The following CYYR1 variants were observed in gnomAD, a reference collection of about 807,000 sequenced individuals.
CYYR1 encodes the protein cysteine and tyrosine rich 1.
CYYR1 carries 14 observed loss-of-function variants against 15.2 expected under a neutral mutation model. The ratio of observed to expected loss-of-function variants is 0.92; its 90% CI spans 0.61 to 1.44. CYYR1 has a LOEUF of 1.44. CYYR1 is among the 40% of genes most tolerant of loss of function. The probability of loss-of-function intolerance (pLI) is 0.00; values close to 1 mark genes in which losing one functional copy is unlikely to be tolerated. For synonymous variants in CYYR1, 80 were observed against 77.4 expected (o/e 1.03, Z -0.18); for missense variants, 228 against 209.5 (o/e 1.09, Z -0.54).
chr21:26,561,945 A>G (rs1332644551), intron 2 of CYYR1, among the ~76,000 whole-genome samples: 2 of 151,988 alleles, frequency 1.3e-5, no homozygotes, highest in East Asian at 1.9e-4. Context: ...AATTCTACCA[A>G]CTCCGAAGAG....
At chr21:26,547,981 C>T (rs112975928) in intron 2 of CYYR1, among the ~76,000 whole-genome samples, 16,193 of 152,038 alleles carry the variant, frequency 0.11, 898 homozygotes, top group Admixed American at 0.14. Flanking sequence ...TTCATTTAAA[C>T]CTTGTAGCAA....
chr21:26,566,210 T>C, intron 2 of CYYR1, 56 bp downstream of exon 2: 3 of 1,288,788 alleles, frequency 2.3e-6, no homozygotes, highest in Non-Finnish European at 3.4e-6. Context: ...AAGACATAAC[T>C]GGACAACTGG....
chr21:26,535,715 C>T (rs1021526381), intron 2 of CYYR1, among the ~76,000 whole-genome samples: 2 of 152,162 alleles, frequency 1.3e-5, no homozygotes, highest in African/African-American at 4.8e-5. Context: ...TGTGCTGCCA[C>T]AGTGAGTCGG....
At chr21:26,561,786 T>A (rs1416839185) in intron 2 of CYYR1, among the ~76,000 whole-genome samples, 1 of 152,218 alleles carries the variant, frequency 6.6e-6, no homozygotes, top group African/African-American at 2.4e-5. Flanking sequence ...TCCAAACTAG[T>A]CAATATTTTG....
chr21:26,572,126 A>C lies in CYYR1; in HGVS notation c.73+742T>G, dbSNP rs1302913444. The stretch of plus-strand genomic sequence containing the variant: ...AGAGACACAAAAACATTTTACAAAG[A>C]ACTTTGCTTTTAGCTTGCATTGTTT... On this transcript the variant is annotated intron_variant, in intron 1 of 3. Coordinates refer to ENST00000652641, the MANE Select transcript of CYYR1 (RefSeq NM_001320768.2). Among the ~76,000 whole-genome samples the C allele has an allele frequency of 3.3e-5, 5 of 152,228 alleles. No homozygotes were observed. The East Asian group carries it at 9.6e-4, about 29-fold the overall frequency.
rs773155055 is a variant in CYYR1 at position 26,566,259 on chromosome 21, T to C, written c.176+7A>G. On this transcript the variant is annotated splice_region_variant and intron_variant, in intron 2 of 3. Coordinates refer to ENST00000652641, the MANE Select transcript of CYYR1 (RefSeq NM_001320768.2). Reference sequence around the variant, plus strand: ...CATCAGTATTGCCAAATCTGACGAATACTCACGAGAGGATATTCCCAATAT... The same window carrying C: ...CATCAGTATTGCCAAATCTGACGAACACTCACGAGAGGATATTCCCAATAT... 36 of 1,605,650 alleles carry C rather than the reference T, an allele frequency of 2.2e-5. No individual in the cohort carries two copies. Among genetic ancestry groups the C allele is most frequent in the Non-Finnish European group, 2.8e-5 (33 of 1,172,620 alleles).
At chr21:26,502,087 A>G (rs936379777) in intron 2 of CYYR1, among the ~76,000 whole-genome samples, 1 of 152,186 alleles carries the variant, frequency 6.6e-6, no homozygotes, top group African/African-American at 2.4e-5. Context: ...TTCATTCTAA[A>G]TTTTAAAAAT....
intron 2 of CYYR1, among the ~76,000 whole-genome samples, chr21:26,542,939 C>T (rs994491546): frequency 1.3e-5 from 2 of 152,182 alleles, no homozygotes; most frequent in Admixed American, 1.3e-4. Context: ...CTCACATTTA[C>T]CTTCATTTTC....
In CYYR1 at chr21:26,553,702, G is replaced by A. The variant is rs9974788; in HGVS notation, c.176+12564C>T. ...TAGCTGCTTCGTGCATTCTGTCCAC[G>A]CTCTCCATAGTTATGCTCAGTAGGA... On this transcript the variant is annotated intron_variant, in intron 2 of 3. Transcript: ENST00000652641. Among the ~76,000 whole-genome samples, 1,004 of 152,174 alleles carry A rather than the reference G, an allele frequency of 6.6e-3. 6 individuals carry two copies. The highest frequency in any genetic ancestry group is 0.011 in the Non-Finnish European group (726 of 68,004).
intron 2 of CYYR1, among the ~76,000 whole-genome samples, chr21:26,539,032 T>C (rs929346695): frequency 2.6e-5 from 4 of 152,154 alleles, no homozygotes; most frequent in African/African-American, 7.2e-5. Context: ...CAAAGAATAA[T>C]GTGATACGAA....
intron 2 of CYYR1, among the ~76,000 whole-genome samples, chr21:26,521,152 T>C (rs2065799714): frequency 6.6e-6 from 1 of 152,194 alleles, no homozygotes; most frequent in South Asian, 2.1e-4. Context: ...TGTTTATCTA[T>C]GTAACAAACC....
At chr21:26,468,666 G>A in intron 3 of CYYR1, 32 bp from the exon 4 acceptor site, 1 of 1,502,842 alleles carries the variant, frequency 6.7e-7, no homozygotes, top group Non-Finnish European at 9.1e-7. Context: ...ACATCAAGGA[G>A]TTAGCAAATA....
At chr21:26,498,504 A>AT (rs2065437040) in intron 2 of CYYR1, among the ~76,000 whole-genome samples, 1 of 152,222 alleles carries the variant, frequency 6.6e-6, no homozygotes, top group South Asian at 2.1e-4. Context: ...TTCAGTTTTG[A>AT]TGGTAGGAGG....
At position 26,550,007 on chromosome 21, in the gene CYYR1, C is replaced by T. The variant is rs1185793367; in HGVS notation, c.176+16259G>A. On this transcript the variant is annotated intron_variant, in intron 2 of 3. Transcript: ENST00000652641. ...TTATTTATAAATTGAAGATCTGTGG[C>T]AGCCCTTCATTGAGCAAGTCTATTG... Among the ~76,000 whole-genome samples, 3 of 152,166 alleles carry T rather than the reference C, an allele frequency of 2.0e-5. No individual in the cohort carries two copies. The East Asian group carries it at 5.8e-4, about 29-fold the overall frequency.
chr21:26,477,161 A>G (rs1346612073), intron 3 of CYYR1, among the ~76,000 whole-genome samples: 1 of 152,184 alleles, frequency 6.6e-6, no homozygotes, highest in African/African-American at 2.4e-5. Flanking sequence ...CTGTAGGACT[A>G]TACAATAAGT....
intron 2 of CYYR1, among the ~76,000 whole-genome samples, chr21:26,554,382 G>C (rs1016099577): frequency 6.6e-6 from 1 of 151,970 alleles, no homozygotes; most frequent in Admixed American, 6.6e-5. Context: ...ATTTAGATTT[G>C]ATTTCCTAGT....
chr21:26,552,624 T>A (rs1979478161), intron 2 of CYYR1, among the ~76,000 whole-genome samples: 2 of 152,112 alleles, frequency 1.3e-5, no homozygotes, highest in Admixed American at 6.6e-5. Context: ...CTACTATGAT[T>A]TTGACTATAT....
intron 2 of CYYR1, among the ~76,000 whole-genome samples, chr21:26,500,466 T>A (rs1407031197): frequency 6.6e-6 from 1 of 151,978 alleles, no homozygotes; most frequent in Non-Finnish European, 1.5e-5. Flanking sequence ...CAGGAAGTGG[T>A]GCAAGGAGGA....
chr21:26,505,456 T>TAGTC (rs1282975777), intron 2 of CYYR1, among the ~76,000 whole-genome samples: 7 of 152,236 alleles, frequency 4.6e-5, no homozygotes, highest in Admixed American at 2.0e-4. Flanking sequence ...TTTCACAGTG[T>TAGTC]GACTGTGCAT....
Sources: gnomAD v4.1 joint callset for allele counts (sites outside exome capture counted in the v4.1 genomes callset) on GRCh38, gnomAD v4.1.1 for gene constraint, MANE v1.5 for transcripts, NCBI Gene and HGNC (gene_info 2026-07-23, HGNC 2026-07-21) for gene names.